Variants in RAB38 observed in about 807,000 individuals in gnomAD.
RAB38 encodes the protein RAB38, member RAS oncogene family, also known as ras-related protein Rab-38.
A neutral mutation model predicts 18.4 loss-of-function variants in RAB38; 15 were observed. That is an observed-to-expected ratio of 0.82 (90% CI 0.55 to 1.26). The LOEUF (loss-of-function observed/expected upper bound fraction) is 1.26. RAB38 is among the 50% of genes most tolerant of loss of function. The pLI is 0.00. For synonymous variants in RAB38, 101 were observed against 104.4 expected (o/e 0.97, Z 0.20); for missense variants, 294 against 267.4 (o/e 1.10, Z -0.69).
At chr11:88,086,139 A>T in the RAB38 span, among the ~76,000 whole-genome samples, 2 of 151,970 alleles carry the variant, frequency 1.3e-5, no homozygotes, top group African/African-American at 4.8e-5. Context: ...CAATGTAGGC[A>T]TTCCAGAAAT....
chr11:88,113,659 T>C lies in RAB38; in HGVS notation c.*329A>G. 4.6e-6 allele frequency: 1 copy of C among 218,594 alleles called. No homozygotes were observed. The highest frequency in any genetic ancestry group is 9.6e-5 in the East Asian group (1 of 10,424). The allele number at this position is 218,594 out of a possible 1,614,324, so 13.5% of individuals were successfully genotyped here. On this transcript the variant is annotated 3_prime_UTR_variant, in exon 3 of 3. Transcript: ENST00000243662. ...TGACTTGACAGCTAGTTTGTTCTTC[T>C]CCCCTTTTATTTTAAGACTTGAGGC...
the RAB38 span, among the ~76,000 whole-genome samples, chr11:87,961,991 G>T: frequency 2.0e-5 from 3 of 152,124 alleles, no homozygotes; most frequent in Non-Finnish European, 4.4e-5. Context: ...ATTGGTCATG[G>T]TTTGATCTTA....
At chr11:88,112,521 A>G (rs1435665006), downstream of RAB38, among the ~76,000 whole-genome samples, 1 of 152,206 alleles carries the variant, frequency 6.6e-6, no homozygotes, top group African/African-American at 2.4e-5. Flanking sequence ...GAGTTGTAAG[A>G]GGCCAAGCTG....
At chr11:88,054,249 T>A in the RAB38 span, among the ~76,000 whole-genome samples, 1 of 152,312 alleles carries the variant, frequency 6.6e-6, no homozygotes, top group East Asian at 1.9e-4. Flanking sequence ...ATCTTCATCT[T>A]GTTTTTTTGA....
the RAB38 span, among the ~76,000 whole-genome samples, chr11:88,039,662 G>A: frequency 6.6e-6 from 1 of 152,182 alleles, no homozygotes; most frequent in African/African-American, 2.4e-5. Flanking sequence ...AGAGGGGAAG[G>A]AGAGCCTGAC....
chr11:87,945,262 T>C, the RAB38 span, among the ~76,000 whole-genome samples: 3 of 152,160 alleles, frequency 2.0e-5, no homozygotes. Flanking sequence ...TTATTTTGGC[T>C]TAAACTCGTA....
chr11:88,072,813 A>C, the RAB38 span, among the ~76,000 whole-genome samples: 1 of 152,216 alleles, frequency 6.6e-6, no homozygotes, highest in East Asian at 1.9e-4. Context: ...GTAGAAAAAA[A>C]AAAGACTTCT....
the RAB38 span, among the ~76,000 whole-genome samples, chr11:87,915,670 C>T: frequency 7.2e-5 from 11 of 152,156 alleles, no homozygotes; most frequent in Admixed American, 7.2e-4. Context: ...AAATGGACAA[C>T]CAGCGGCATG....
At chr11:87,951,167 G>T in the RAB38 span, among the ~76,000 whole-genome samples, 1 of 152,068 alleles carries the variant, frequency 6.6e-6, no homozygotes, top group Non-Finnish European at 1.5e-5. Flanking sequence ...CTTTCTTCCA[G>T]TTGATCGCAT....
the RAB38 span, among the ~76,000 whole-genome samples, chr11:87,853,492 C>T: frequency 6.6e-6 from 1 of 152,172 alleles, no homozygotes; most frequent in African/African-American, 2.4e-5. Context: ...GGTTCCCAGT[C>T]CCTAGAACTG....
At chr11:88,173,377 T>G (rs1017806038) in intron 1 of RAB38, among the ~76,000 whole-genome samples, 1 of 152,112 alleles carries the variant, frequency 6.6e-6, no homozygotes, top group Non-Finnish European at 1.5e-5. Flanking sequence ...TGTTTACAAG[T>G]AAGGAAACCA....
the RAB38 span, among the ~76,000 whole-genome samples, chr11:87,896,613 A>T: frequency 6.6e-6 from 1 of 151,614 alleles, no homozygotes; most frequent in Non-Finnish European, 1.5e-5. Flanking sequence ...AAAGAAAAAT[A>T]AAAAAACAGA....
rs756296049 is a variant in RAB38, at chr11:88,171,858, TA to T, written c.202+3324del. 8.7e-4 allele frequency among the ~76,000 whole-genome samples: 133 copies of T among 152,322 alleles called. 1 individual carries two copies. Among genetic ancestry groups the T allele is most frequent in the Non-Finnish European group, 1.6e-3 (108 of 68,006 alleles). ...GTGAACTTTTTGTTTTCATTTTCCC[TA>T]AATGACCTATTTTTTTAAAAACTCT... On this transcript the variant is annotated intron_variant, in intron 1 of 2. Coordinates refer to ENST00000243662, the MANE Select transcript of RAB38 (RefSeq NM_022337.3).
chr11:87,863,300 G>T, the RAB38 span, among the ~76,000 whole-genome samples: 1 of 151,706 alleles, frequency 6.6e-6, no homozygotes, highest in Admixed American at 6.6e-5. Context: ...GGGAGAGAAG[G>T]ATTAAAGATA....
At chr11:87,808,806 GAT>G in the RAB38 span, among the ~76,000 whole-genome samples, 1 of 151,782 alleles carries the variant, frequency 6.6e-6, no homozygotes, top group African/African-American at 2.4e-5. Context: ...AAGTTAAAAA[GAT>G]AAAAAATAAA....
At chr11:88,144,742 C>T (rs772186135) in intron 2 of RAB38, among the ~76,000 whole-genome samples, 3 of 152,132 alleles carry the variant, frequency 2.0e-5, no homozygotes, top group Non-Finnish European at 4.4e-5. Flanking sequence ...CTATAAATAG[C>T]ATAGAAAGAA....
the RAB38 span, among the ~76,000 whole-genome samples, chr11:87,870,310 C>T: frequency 5.3e-5 from 8 of 151,544 alleles, no homozygotes; most frequent in African/African-American, 1.7e-4. Context: ...GTCAGACACA[C>T]GGATATCATC....
At chr11:88,021,661 G>A in the RAB38 span, among the ~76,000 whole-genome samples, 3 of 149,750 alleles carry the variant, frequency 2.0e-5, no homozygotes, top group African/African-American at 4.9e-5. Flanking sequence ...CACGATCTTG[G>A]CTCACTGCAA....
the RAB38 span, among the ~76,000 whole-genome samples, chr11:87,973,075 C>T: frequency 6.6e-6 from 1 of 151,964 alleles, no homozygotes; most frequent in East Asian, 1.9e-4. Flanking sequence ...GCTTCCTGCA[C>T]AGCCCACGGA....
Sources: allele counts gnomAD v4.1 joint callset (sites outside exome capture counted in the v4.1 genomes callset), GRCh38; gene constraint gnomAD v4.1.1; transcripts MANE v1.5; gene names NCBI Gene and HGNC (gene_info 2026-07-23, HGNC 2026-07-21).